The following PRKG2 variants were observed in gnomAD, a reference collection of about 807,000 sequenced individuals.
The protein encoded by PRKG2 is protein kinase cGMP-dependent 2.
A neutral mutation model predicts 97.2 loss-of-function variants in PRKG2; 33 were observed. That is an observed-to-expected ratio of 0.34 (90% CI 0.26 to 0.45). The LOEUF is 0.45. Among genes scored for constraint, PRKG2 ranks in the 20% least tolerant of loss-of-function variants. PRKG2 has a pLI of 1.00. For missense variants in PRKG2, 638 were observed against 900.0 expected (o/e 0.71, Z 3.73); for synonymous variants, 330 against 321.8 (o/e 1.03, Z -0.27).
intron 17 of PRKG2, among the ~76,000 whole-genome samples, chr4:81,101,761 A>G (rs934240721): frequency 6.6e-6 from 1 of 152,000 alleles, no homozygotes; most frequent in Non-Finnish European, 1.5e-5. Context: ...AAAAAAAAAC[A>G]AAATTAAAGT....
At chr4:81,110,800 G>C (rs1393723245) in intron 14 of PRKG2, among the ~76,000 whole-genome samples, 189 bp from the exon 15 acceptor site, 1 of 147,708 alleles carries the variant, frequency 6.8e-6, no homozygotes, top group African/African-American at 2.6e-5. Context: ...AAGAGACAGA[G>C]AGACCACCTC....
chr4:81,168,645 C>T (rs370538987), intron 5 of PRKG2, among the ~76,000 whole-genome samples: 6 of 152,094 alleles, frequency 3.9e-5, no homozygotes, highest in Admixed American at 3.3e-4. Context: ...AATATGATAG[C>T]TAATGCATTG....
chr4:81,183,876 G>A lies in PRKG2; in HGVS notation c.462-8917C>T, dbSNP rs927127225. On this transcript the variant is annotated intron_variant, in intron 2 of 18. Transcript: ENST00000264399. ...CCCTCATAGTGAAAACAAAGCTGCA[G>A]GGAAGTTCAAACTAGGTGGAGCCCA... Among the ~76,000 whole-genome samples the A allele has an allele frequency of 1.7e-4, 26 of 152,158 alleles. 1 individual carries two copies. Among genetic ancestry groups the A allele is most frequent in the African/African-American group, 5.3e-4 (22 of 41,440 alleles).
chr4:81,111,662 C>G (rs1285704911), intron 14 of PRKG2, among the ~76,000 whole-genome samples: 1 of 152,070 alleles, frequency 6.6e-6, no homozygotes, highest in Non-Finnish European at 1.5e-5. Context: ...TAGACCTTTC[C>G]TCTTCTCTGA....
At chr4:81,097,112 A>G (rs554591877) in intron 17 of PRKG2, among the ~76,000 whole-genome samples, 1 of 151,966 alleles carries the variant, frequency 6.6e-6, no homozygotes, top group South Asian at 2.1e-4. Flanking sequence ...GCAGTGAGCC[A>G]TGTTTGTGCC....
chr4:81,204,489 C>CA, intron 2 of PRKG2, 98 bp downstream of exon 2: 1 of 1,313,524 alleles, frequency 7.6e-7, no homozygotes, highest in South Asian at 1.4e-5. Flanking sequence ...CTGAAAGGGT[C>CA]AATATGTTCT....
intron 15 of PRKG2, among the ~76,000 whole-genome samples, chr4:81,108,003 G>A (rs1188407719): frequency 2.6e-5 from 4 of 152,002 alleles, no homozygotes; most frequent in South Asian, 2.1e-4. Context: ...TTAGAAGTTC[G>A]AGACCAGCCT....
At chr4:81,114,632 TG>T (rs1442546626) in intron 14 of PRKG2, among the ~76,000 whole-genome samples, 7 of 152,160 alleles carry the variant, frequency 4.6e-5, no homozygotes, top group Non-Finnish European at 8.8e-5. Context: ...AAAAAATAAT[TG>T]ATACATACAA....
rs532466205 is a variant in PRKG2, at chr4:81,174,503, G to A, written c.628+290C>T. Among the ~76,000 whole-genome samples the A allele has an allele frequency of 2.0e-5, 3 of 152,084 alleles. No individual in the cohort carries two copies. The South Asian group carries it at 6.2e-4, about 32-fold the overall frequency. ...AGACATAGTCCATGTTAGTAACATG[G>A]AGAAAATAGAACTTGCCTTACAGGG... On this transcript the variant is annotated intron_variant, in intron 3 of 18. Coordinates refer to ENST00000264399, the MANE Select transcript of PRKG2 (RefSeq NM_006259.3).
chr4:81,099,143 C>T (rs988261677), intron 17 of PRKG2, among the ~76,000 whole-genome samples: 12 of 152,116 alleles, frequency 7.9e-5, no homozygotes, highest in Non-Finnish European at 1.8e-4. Flanking sequence ...AGCTCTTAGA[C>T]ACAAGATAGC....
At chr4:81,098,731 A>G (rs946347426) in intron 17 of PRKG2, among the ~76,000 whole-genome samples, 1 of 152,156 alleles carries the variant, frequency 6.6e-6, no homozygotes, top group Non-Finnish European at 1.5e-5. Context: ...GAAGTTTGGC[A>G]TCTTATATGG....
At chr4:81,099,187 T>G (rs980965970) in intron 17 of PRKG2, among the ~76,000 whole-genome samples, 1 of 152,146 alleles carries the variant, frequency 6.6e-6, no homozygotes, top group Non-Finnish European at 1.5e-5. Flanking sequence ...AAAGATTATT[T>G]AATATAGAAT....
At chr4:81,093,857 T>A (rs1391831017) in intron 17 of PRKG2, among the ~76,000 whole-genome samples, 1 of 152,168 alleles carries the variant, frequency 6.6e-6, no homozygotes, top group Non-Finnish European at 1.5e-5. Context: ...CTACTCTGTC[T>A]CTCAGGATCT....
intron 4 of PRKG2, among the ~76,000 whole-genome samples, chr4:81,169,974 G>A (rs963328362): frequency 4.6e-5 from 7 of 151,964 alleles, no homozygotes; most frequent in Non-Finnish European, 8.8e-5. Context: ...ACTATTATTT[G>A]GAAATGACTA....
In PRKG2 at chr4:81,089,653, T is replaced by G. The variant is rs946247852; in HGVS notation, c.*55A>C. The G allele has an allele frequency of 7.8e-7, 1 of 1,281,730 alleles. No homozygotes were observed. The highest frequency in any genetic ancestry group is 1.1e-6 in the Non-Finnish European group (1 of 895,070). The allele number at this position is 1,281,730 out of a possible 1,614,324, so 79.4% of individuals were successfully genotyped here. A position where few individuals can be genotyped will look rare whatever the true frequency, so the allele number is the denominator to read the frequency against. ...GAAAAGAAAATAATGTGTTGGATTA[T>G]TGATCCTTGAGGTCCTCTTCTGTAG... On this transcript the variant is annotated 3_prime_UTR_variant, in exon 19 of 19. Transcript: ENST00000264399.
intron 17 of PRKG2, among the ~76,000 whole-genome samples, chr4:81,097,437 A>G (rs1466351180): frequency 1.3e-5 from 2 of 152,292 alleles, no homozygotes; most frequent in South Asian, 4.1e-4. Flanking sequence ...TAGATTTAGC[A>G]TCATTCTTAA....
At chr4:81,103,281 G>A (rs1011941839) in intron 17 of PRKG2, among the ~76,000 whole-genome samples, 4 of 151,994 alleles carry the variant, frequency 2.6e-5, no homozygotes, top group African/African-American at 9.7e-5. Flanking sequence ...TTTACATTAG[G>A]CATATCTCCT....
In PRKG2 at chr4:81,144,299, C is replaced by A. The variant is rs1315872987; in HGVS notation, c.1186G>T (p.Glu396Ter). 1 of 1,611,820 alleles carries A rather than the reference C, an allele frequency of 6.2e-7. No individual in the cohort carries two copies. Among genetic ancestry groups the A allele is most frequent in the Non-Finnish European group, 8.5e-7 (1 of 1,178,240 alleles). The change falls in exon 10 of 19, where the codon GAG becomes TAG. Residue 396 changes from glutamate to a stop codon, truncating the protein, a stop_gained. Transcript: ENST00000264399. LOFTEE classifies it high-confidence loss of function. ...TFNQTVGTFE[E>*]LQKYLEGYVA... Reference sequence around the variant, plus strand: ...TATCCTTCAAGGTATTTTTGCAGCTCTTCAAATGTACCGACAGTTTGGTTG... The same window carrying A: ...TATCCTTCAAGGTATTTTTGCAGCTATTCAAATGTACCGACAGTTTGGTTG...
At chr4:81,214,136 T>G (rs1754149636) in intron 1 of PRKG2, among the ~76,000 whole-genome samples, 1 of 138,462 alleles carries the variant, frequency 7.2e-6, no homozygotes, top group African/African-American at 2.8e-5. Context: ...GGGGCAGGTG[T>G]ATGTTGCTCT....
Sources: gnomAD v4.1 joint callset for allele counts (sites outside exome capture counted in the v4.1 genomes callset) on GRCh38, gnomAD v4.1.1 for gene constraint, MANE v1.5 for transcripts, NCBI Gene and HGNC (gene_info 2026-07-23, HGNC 2026-07-21) for gene names.